The following STK39 variants were observed in gnomAD, a reference collection of about 807,000 sequenced individuals.
The protein encoded by STK39 is STE20/SPS1-related proline-alanine-rich protein kinase.
STK39 carries 20 observed loss-of-function variants against 77.8 expected under a neutral mutation model. That is an observed-to-expected ratio of 0.26 (90% confidence interval 0.18 to 0.37). STK39 has a LOEUF of 0.37. Among genes scored for constraint, STK39 ranks in the 10% least tolerant of loss-of-function variants. STK39 has a pLI of 1.00. For synonymous variants in STK39, 246 were observed against 234.1 expected, an observed-to-expected ratio of 1.05 and a Z score of -0.47; for missense variants, 479 against 656.5, an observed-to-expected ratio of 0.73 and a Z score of 2.95.
At chr2:168,082,250 C>T (rs1005733822) in intron 10 of STK39, among the ~76,000 whole-genome samples, 6 of 152,190 alleles carry the variant, frequency 3.9e-5, no homozygotes, top group Non-Finnish European at 5.9e-5. Flanking sequence ...TATACTTCTA[C>T]CAAAAGAGCG....
intron 14 of STK39, among the ~76,000 whole-genome samples, chr2:168,046,411 G>T (rs16854601): frequency 0.15 from 22,488 of 152,110 alleles, 1,811 homozygotes; most frequent in Middle Eastern, 0.18. Flanking sequence ...AAGAAAACTA[G>T]TGAGACACGG....
At chr2:168,097,328 C>T (rs1314278566) in intron 10 of STK39, among the ~76,000 whole-genome samples, 1 of 152,140 alleles carries the variant, frequency 6.6e-6, no homozygotes, top group Admixed American at 6.5e-5. Context: ...ATGGAGGAGC[C>T]CACCTCATTT....
At chr2:168,037,474 A>G (rs7605670) in intron 14 of STK39, among the ~76,000 whole-genome samples, 11,234 of 152,184 alleles carry the variant, frequency 0.074, 704 homozygotes, top group East Asian at 0.2. Flanking sequence ...AATAATTAGA[A>G]ATCTGACAGT....
intron 16 of STK39, among the ~76,000 whole-genome samples, chr2:167,996,883 TTC>T (rs1683855416): frequency 6.6e-6 from 1 of 151,798 alleles, no homozygotes; most frequent in Non-Finnish European, 1.5e-5. Flanking sequence ...GGATTTGCAT[TTC>T]TCTCTCGGAC....
chr2:168,046,460 A>T (rs1263428641), intron 14 of STK39, among the ~76,000 whole-genome samples: 2 of 152,204 alleles, frequency 1.3e-5, no homozygotes, highest in African/African-American at 4.8e-5. Flanking sequence ...GCATCCACGC[A>T]CACCTACCCC....
At position 168,140,327 on chromosome 2, in the gene STK39, T is replaced by C; in HGVS notation, c.802A>G (p.Thr268Ala). ...SFGITAIELA[T>A]GAAPYHKYPP... ...TATTTGTGATAAGGCGCTGCTCCTG[T>C]TGCTAATTCAATGGCAGTTATTCCA... The change falls in exon 7 of 18, where the codon ACA becomes GCA. Residue 268 changes from threonine to alanine, a missense_variant. Physicochemically the swap from Thr to Ala is moderately conservative, Grantham distance 58. Transcript: ENST00000355999. 1 of 1,614,102 alleles carries C rather than the reference T, an allele frequency of 6.2e-7. No individual in the cohort carries two copies. Among genetic ancestry groups the C allele is most frequent in the East Asian group, 2.2e-5 (1 of 44,864 alleles).
intron 2 of STK39, among the ~76,000 whole-genome samples, chr2:168,172,213 C>A (rs777762096): frequency 6.6e-6 from 1 of 152,172 alleles, no homozygotes; most frequent in African/African-American, 2.4e-5. Context: ...TTCTTCGTTG[C>A]GTGTGAGCAT....
At chr2:168,226,059 G>C (rs1379459560) in intron 1 of STK39, among the ~76,000 whole-genome samples, 1 of 152,152 alleles carries the variant, frequency 6.6e-6, no homozygotes, top group Non-Finnish European at 1.5e-5. Context: ...CCAAAATTCT[G>C]ACTAAGTAGA....
intron 16 of STK39, among the ~76,000 whole-genome samples, chr2:167,964,957 T>G (rs1474812212): frequency 6.6e-6 from 1 of 152,232 alleles, no homozygotes; most frequent in South Asian, 2.1e-4. Flanking sequence ...TTAATCACTG[T>G]ATGTCAACTC....
chr2:168,133,957 T>A lies in STK39; in HGVS notation c.974+4131A>T, dbSNP rs543047736. ...ATTTTAGGGTTTTTTTGGTTTTTAT[T>A]TTCTCATTTATCTATTTTTATTTTA... On this transcript the variant is annotated intron_variant, in intron 8 of 17. Transcript: ENST00000355999. 2.0e-5 allele frequency among the ~76,000 whole-genome samples: 3 copies of A among 152,300 alleles called. No homozygotes were observed. The South Asian group carries it at 6.2e-4, about 32-fold the overall frequency.
At chr2:168,139,425 A>ATATATATATATATAT (rs1559115956) in intron 7 of STK39, among the ~76,000 whole-genome samples, 6 of 131,808 alleles carry the variant, frequency 4.6e-5, no homozygotes, top group East Asian at 3.1e-4. Context: ...TATATATATA[A>ATATATATATATATAT]AAACAATAAA....
intron 17 of STK39, among the ~76,000 whole-genome samples, chr2:167,956,579 G>A (rs1488485733): frequency 1.5e-5 from 2 of 131,876 alleles, no homozygotes; most frequent in Non-Finnish European, 3.2e-5. Context: ...AAAAAAAAAA[G>A]GAAGCCATTT....
At chr2:168,168,623 C>A (rs2105599992) in intron 2 of STK39, among the ~76,000 whole-genome samples, 1 of 152,296 alleles carries the variant, frequency 6.6e-6, no homozygotes, top group East Asian at 1.9e-4. Context: ...CTAAAAAGAT[C>A]CTATATATCC....
intron 10 of STK39, among the ~76,000 whole-genome samples, chr2:168,091,698 A>C (rs1291008123): frequency 6.6e-6 from 1 of 152,084 alleles, no homozygotes; most frequent in East Asian, 1.9e-4. Context: ...CTTTTTTTTA[A>C]TGAAAATGTT....
chr2:168,139,856 G>C (rs1373343317), intron 7 of STK39, among the ~76,000 whole-genome samples: 3 of 151,804 alleles, frequency 2.0e-5, no homozygotes, highest in Admixed American at 6.6e-5. Flanking sequence ...TACACTATAA[G>C]AGCAGGGGTA....
chr2:167,956,727 C>T (rs1231571353), intron 17 of STK39, among the ~76,000 whole-genome samples: 2 of 60,330 alleles, frequency 3.3e-5, no homozygotes, highest in African/African-American at 8.6e-5. Flanking sequence ...CTCTCTCTCT[C>T]TCCCCCCCCG....
At chr2:168,079,463 T>A (rs577293703) in intron 10 of STK39, among the ~76,000 whole-genome samples, 6 of 152,320 alleles carry the variant, frequency 3.9e-5, no homozygotes, top group African/African-American at 1.4e-4. Flanking sequence ...TACTCTCTAA[T>A]CCTGAACTGC....
intron 5 of STK39, among the ~76,000 whole-genome samples, chr2:168,160,096 G>C (rs1574513788): frequency 6.6e-6 from 1 of 152,170 alleles, no homozygotes; most frequent in South Asian, 2.1e-4. Context: ...GGAGAGGCTC[G>C]GATCATTAAT....
At position 168,173,722 on chromosome 2, in the gene STK39, T is replaced by C. The variant is rs532461789; in HGVS notation, c.322-6315A>G. Among the ~76,000 whole-genome samples, 375 of 152,172 alleles carry C rather than the reference T, an allele frequency of 2.5e-3. 4 individuals are homozygous for C. Among genetic ancestry groups the C allele is most frequent in the African/African-American group, 8.7e-3 (362 of 41,528 alleles). The stretch of plus-strand genomic sequence containing the variant: ...ACAGGTGTGTGCCACCTAATTTTTG[T>C]AGTTTTAGTAGAGATAGGGTTTCAC... On this transcript the variant is annotated intron_variant, in intron 2 of 17. Transcript: ENST00000355999.
Sources: allele counts gnomAD v4.1 joint callset (sites outside exome capture counted in the v4.1 genomes callset), GRCh38; gene constraint gnomAD v4.1.1; transcripts MANE v1.5; gene names NCBI Gene and HGNC (gene_info 2026-07-23, HGNC 2026-07-21).